SORCS1: variants seen among roughly 807,000 people sequenced by gnomAD.
SORCS1 encodes the protein sortilin related VPS10 domain containing receptor 1, also known as VPS10 domain-containing receptor SorCS1.
SORCS1 carries 60 observed loss-of-function variants against 146.1 expected under a neutral mutation model. That is an observed-to-expected ratio of 0.41 (90% CI 0.33 to 0.51). SORCS1 has a LOEUF of 0.51. SORCS1 is among the 20% of genes least tolerant of loss of function. SORCS1 has a pLI of 0.21. For missense variants in SORCS1, 1,352 were observed against 1,487.6 expected (o/e 0.91, Z 1.50); for synonymous variants, 637 against 584.0 (o/e 1.09, Z -1.31).
intron 3 of SORCS1, among the ~76,000 whole-genome samples, chr10:106,786,491 G>A (rs575389036): frequency 3.9e-5 from 6 of 152,250 alleles, no homozygotes; most frequent in East Asian, 3.9e-4. Flanking sequence ...CAGTGTGAAT[G>A]TCCCAAGATC....
intron 1 of SORCS1, among the ~76,000 whole-genome samples, chr10:107,072,892 T>G: frequency 6.6e-6 from 1 of 152,222 alleles, no homozygotes; most frequent in East Asian, 1.9e-4. Flanking sequence ...CCAGATCTCC[T>G]TCTAAAAAGG....
chr10:107,141,346 G>A (rs1206611283), intron 1 of SORCS1, among the ~76,000 whole-genome samples: 2 of 152,058 alleles, frequency 1.3e-5, no homozygotes, highest in Admixed American at 1.3e-4. Context: ...AATTATTATT[G>A]TCTCCTCCAT....
At chr10:106,798,491 A>G (rs192153663) in intron 3 of SORCS1, among the ~76,000 whole-genome samples, 2 of 132,456 alleles carry the variant, frequency 1.5e-5, no homozygotes, top group South Asian at 2.3e-4. Flanking sequence ...CCTGTGTCCA[A>G]GTGTTCTCAT....
intron 2 of SORCS1, among the ~76,000 whole-genome samples, chr10:106,950,630 A>T (rs966467902): frequency 1.3e-5 from 2 of 151,914 alleles, no homozygotes; most frequent in Admixed American, 6.6e-5. Context: ...CACACAATAC[A>T]TATATAGATA....
Position 106,811,231 on chromosome 10 carries a change from G to T in SORCS1, c.726+18343C>A, listed in dbSNP as rs182453312. Among the ~76,000 whole-genome samples, 319 of 152,208 alleles carry T rather than the reference G, an allele frequency of 2.1e-3. 3 individuals are homozygous for T. Among genetic ancestry groups the T allele is most frequent in the African/African-American group, 7.5e-3 (311 of 41,550 alleles). On this transcript the variant is annotated intron_variant, in intron 3 of 25. Transcript: ENST00000263054. Reference sequence around the variant, plus strand: ...GGATTACAGGCATGAGCCACCAGAAGTTTTCAAATCAAAACTTCCACTGTC... The same window carrying T: ...GGATTACAGGCATGAGCCACCAGAATTTTTCAAATCAAAACTTCCACTGTC...
At chr10:107,019,918 C>T (rs1958060180) in intron 1 of SORCS1, among the ~76,000 whole-genome samples, 3 of 152,190 alleles carry the variant, frequency 2.0e-5, no homozygotes, top group Admixed American at 2.0e-4. Flanking sequence ...AGAGTGAGTG[C>T]TCTGGGGCCC....
At chr10:106,928,764 A>G (rs1202067515) in intron 2 of SORCS1, among the ~76,000 whole-genome samples, 1 of 152,206 alleles carries the variant, frequency 6.6e-6, no homozygotes, top group African/African-American at 2.4e-5. Flanking sequence ...GAGGAGTAGG[A>G]AAAAGAAAGG....
At chr10:106,911,352 G>A (rs769606833) in intron 2 of SORCS1, among the ~76,000 whole-genome samples, 15 of 152,194 alleles carry the variant, frequency 9.9e-5, no homozygotes, top group Non-Finnish European at 1.8e-4. Flanking sequence ...ATTCCCTTCT[G>A]TAGTAGCAGG....
chr10:106,638,783 A>G (rs1466996415), intron 18 of SORCS1, among the ~76,000 whole-genome samples: 1 of 152,158 alleles, frequency 6.6e-6, no homozygotes, highest in African/African-American at 2.4e-5. Context: ...GAGGTGCCCT[A>G]CAAAAGTCAG....
Position 106,680,233 on chromosome 10 carries a change from G to A in SORCS1, c.1561-499C>T, listed in dbSNP as rs531867910. On this transcript the variant is annotated intron_variant, in intron 10 of 25. Transcript: ENST00000263054. ...AGACGTTAAAGAATATTTCAAGCCT[G>A]AGTAACAGCAATAACAAAGAAAAAG... Among the ~76,000 whole-genome samples the A allele has an allele frequency of 5.9e-5, 9 of 152,292 alleles. No individual in the cohort carries two copies. The South Asian group carries it at 1.9e-3, about 32-fold the overall frequency.
At chr10:106,691,831 TGGGATCTTCCTA>T (rs1032075683) in intron 9 of SORCS1, among the ~76,000 whole-genome samples, 5 of 152,162 alleles carry the variant, frequency 3.3e-5, no homozygotes, top group African/African-American at 1.2e-4. Flanking sequence ...TCAAGAACTG[TGGGATCTTCCTA>T]GGGGACTCAA....
chr10:106,595,512 C>T (rs1440815791), intron 24 of SORCS1, among the ~76,000 whole-genome samples: 1 of 152,082 alleles, frequency 6.6e-6, no homozygotes, highest in African/African-American at 2.4e-5. Flanking sequence ...TTCCACCCTC[C>T]ACACCTCCAT....
In SORCS1 at chr10:107,132,243, T is replaced by G. The variant is rs986605582; in HGVS notation, c.558+31726A>C. Among the ~76,000 whole-genome samples, 4 of 152,196 alleles carry G rather than the reference T, an allele frequency of 2.6e-5. No homozygotes were observed. In the East Asian group the frequency reaches 7.8e-4, roughly 30 times the overall value. ...TATAAACTCCAGGCAATCCCATTAT[T>G]TATTCCTATACCCAAGCTTTAGCTA... On this transcript the variant is annotated intron_variant, in intron 1 of 25. Transcript: ENST00000263054.
chr10:106,787,003 T>C (rs1227904063), intron 3 of SORCS1, among the ~76,000 whole-genome samples: 1 of 152,184 alleles, frequency 6.6e-6, no homozygotes, highest in Non-Finnish European at 1.5e-5. Context: ...GGAGCCAAGG[T>C]TGAGTAATTT....
At chr10:107,042,399 TG>T (rs1959174718) in intron 1 of SORCS1, among the ~76,000 whole-genome samples, 1 of 152,206 alleles carries the variant, frequency 6.6e-6, no homozygotes. Flanking sequence ...TAAAGAGCTT[TG>T]GGGAACATCT....
At chr10:107,095,774 G>A (rs963129534) in intron 1 of SORCS1, among the ~76,000 whole-genome samples, 1 of 151,978 alleles carries the variant, frequency 6.6e-6, no homozygotes, top group Non-Finnish European at 1.5e-5. Context: ...GTATAGGGCA[G>A]AAATCATGAG....
intron 1 of SORCS1, among the ~76,000 whole-genome samples, chr10:107,073,906 G>C (rs1016635721): frequency 6.6e-6 from 1 of 152,008 alleles, no homozygotes; most frequent in Non-Finnish European, 1.5e-5. Context: ...ATTTTTTAGA[G>C]CAGTTTTAGG....
rs897815214 is a variant in SORCS1 at position 106,781,134 on chromosome 10, C to A, written c.727-4442G>T. 3.9e-5 allele frequency among the ~76,000 whole-genome samples: 6 copies of A among 152,194 alleles called. No homozygotes were observed. The East Asian group carries it at 1.2e-3, about 29-fold the overall frequency. ...GCAGCTTTCTGATCCTTCCAGTTGT[C>A]GTCTCCTGCGGGCCTTCTTCCCAGA... On this transcript the variant is annotated intron_variant, in intron 3 of 25. Transcript: ENST00000263054.
At chr10:106,668,490 G>A (rs1231261518) in intron 16 of SORCS1, among the ~76,000 whole-genome samples, 1 of 152,192 alleles carries the variant, frequency 6.6e-6, no homozygotes, top group Admixed American at 6.5e-5. Flanking sequence ...GAGCCTCTGA[G>A]TTGCCTGATA....
Sources: allele counts gnomAD v4.1 joint callset (sites outside exome capture counted in the v4.1 genomes callset), GRCh38; gene constraint gnomAD v4.1.1; transcripts MANE v1.5; gene names NCBI Gene and HGNC (gene_info 2026-07-23, HGNC 2026-07-21).